The following CD300A variants were observed in gnomAD, a reference collection of about 807,000 sequenced individuals.
CD300A encodes the protein CD300a molecule, also known as CMRF35-like molecule 8.
Under a neutral mutation model 33.6 loss-of-function variants are expected in CD300A, and 22 were observed. The observed-to-expected ratio is 0.66, with a 90% CI of 0.47 to 0.94. The LOEUF is 0.94. Ranked by LOEUF, CD300A falls within the 40% of genes least tolerant of loss-of-function variation. CD300A has a pLI of 0.00. For synonymous variants in CD300A, 136 were observed against 148.1 expected, an observed-to-expected ratio of 0.92 and a Z score of 0.59; for missense variants, 326 against 360.5, an observed-to-expected ratio of 0.90 and a Z score of 0.77.
chr17:74,478,328 C>T (rs1287678510), intron 4 of CD300A, among the ~76,000 whole-genome samples: 1 of 152,226 alleles, frequency 6.6e-6, no homozygotes, highest in African/African-American at 2.4e-5. Context: ...TGCCTTCCCA[C>T]AGGCATGTGC....
intron 4 of CD300A, among the ~76,000 whole-genome samples, chr17:74,479,543 T>C (rs1218448801): frequency 6.6e-6 from 1 of 152,142 alleles, no homozygotes; most frequent in African/African-American, 2.4e-5. Context: ...ATCTGCGATG[T>C]CTTAACAAAT....
chr17:74,468,868 A>T (rs1246463002), intron 1 of CD300A, among the ~76,000 whole-genome samples: 1 of 152,154 alleles, frequency 6.6e-6, no homozygotes, highest in Non-Finnish European at 1.5e-5. Context: ...ATGTTGCCCA[A>T]GGTGGTCTCG....
At chr17:74,470,160 T>C (rs1219215630) in intron 1 of CD300A, 1 of 984,824 alleles carries the variant, frequency 1.0e-6, no homozygotes, top group African/African-American at 1.8e-5. Flanking sequence ...ATTAGAGGGG[T>C]TTGGGGTGGT....
At chr17:74,467,160 AG>A (rs1218133590) in intron 1 of CD300A, among the ~76,000 whole-genome samples, 1 of 54,914 alleles carries the variant, frequency 1.8e-5, no homozygotes, top group Non-Finnish European at 3.6e-5. Context: ...GGTATGGAGG[AG>A]GGGGGTGTGG....
chr17:74,473,611 A>G lies in CD300A; in HGVS notation c.116A>G (p.Glu39Gly). The G allele has an allele frequency of 1.9e-6, 3 of 1,614,194 alleles. No homozygotes were observed. The highest frequency in any genetic ancestry group is 2.5e-6 in the Non-Finnish European group (3 of 1,180,032). The change falls in exon 2 of 7, where the codon GAG becomes GGG. Residue 39 changes from glutamate to glycine, a missense_variant. Coordinates refer to ENST00000360141, the MANE Select transcript of CD300A (RefSeq NM_007261.4). ...TCCCTGAGTGTGCAGTGTCCCTATG[A>G]GAAGGAACACAGGACCCTCAACAAA... ...GGSLSVQCPYEKEHRTLNKYW... is the reference protein window; with the variant it reads ...GGSLSVQCPYGKEHRTLNKYW...
intron 1 of CD300A, among the ~76,000 whole-genome samples, chr17:74,472,312 A>G (rs1310783974): frequency 3.3e-5 from 5 of 151,978 alleles, no homozygotes; most frequent in East Asian, 1.9e-4. Flanking sequence ...TCCTTGAACA[A>G]TATGGGGCCT....
At chr17:74,472,237 CAA>C (rs11435286) in intron 1 of CD300A, among the ~76,000 whole-genome samples, 5 of 135,296 alleles carry the variant, frequency 3.7e-5, no homozygotes, top group Admixed American at 7.5e-5. Context: ...GACTCCATCT[CAA>C]AAAAAAAAAA....
intron 1 of CD300A, among the ~76,000 whole-genome samples, chr17:74,467,256 G>GA (rs1905783122): frequency 6.6e-6 from 1 of 150,714 alleles, no homozygotes; most frequent in African/African-American, 2.4e-5. Context: ...TCGGGGTGGG[G>GA]AGCAGATCGA....
chr17:74,466,647 C>G lies in CD300A; in HGVS notation c.-57C>G. 2 of 1,553,552 alleles carry G rather than the reference C, an allele frequency of 1.3e-6. No homozygotes were observed. Among genetic ancestry groups the G allele is most frequent in the South Asian group, 1.2e-5 (1 of 84,748 alleles). On this transcript the variant is annotated 5_prime_UTR_variant, in exon 1 of 7. Transcript: ENST00000360141. The stretch of plus-strand genomic sequence containing the variant: ...GGCCTTGGAGGCGTGACTTTCCCCT[C>G]GGGTCCAGGTAGGGCCTGGAGCTGC...
chr17:74,472,416 G>C (rs1906165653), intron 1 of CD300A, among the ~76,000 whole-genome samples: 1 of 152,160 alleles, frequency 6.6e-6, no homozygotes. Context: ...TGTGTCCTCT[G>C]CTTGGCAGCC....
At chr17:74,467,774 C>T (rs1341001687) in intron 1 of CD300A, among the ~76,000 whole-genome samples, 1 of 152,180 alleles carries the variant, frequency 6.6e-6, no homozygotes, top group Non-Finnish European at 1.5e-5. Context: ...CTGCGATTCT[C>T]TTGGGTGTTC....
rs148481837 is a variant in CD300A at position 74,481,755 on chromosome 17, A to G, written c.696A>G (p.Ala232=). 2 of 1,612,344 alleles carry G rather than the reference A, an allele frequency of 1.2e-6. No homozygotes were observed. The highest frequency in any genetic ancestry group is 1.7e-6 in the Non-Finnish European group (2 of 1,179,540). ...CCACGCAGAGTGAGCTGCACTACGCAAATCTGGAGCTGCTGATGTGGCCTC... is the reference window on the plus strand; with the variant it reads ...CCACGCAGAGTGAGCTGCACTACGCGAATCTGGAGCTGCTGATGTGGCCTC... ...QAATQSELHY[A]NLELLMWPLQ... is the part of the protein sequence containing the mutation. Residue 232 remains alanine (A), a synonymous_variant, in exon 6 of 7, where the codon GCA becomes GCG. Transcript: ENST00000360141.
At chr17:74,470,582 C>A (rs1235346942) in intron 1 of CD300A, among the ~76,000 whole-genome samples, 1 of 152,014 alleles carries the variant, frequency 6.6e-6, no homozygotes, top group Admixed American at 6.6e-5. Flanking sequence ...CCAGGAGAGG[C>A]AGGGAATCGG....
chr17:74,474,385 G>A, intron 2 of CD300A, 147 bp from the exon 3 acceptor site: 2 of 763,558 alleles, frequency 2.6e-6, no homozygotes, highest in Non-Finnish European at 4.4e-6. Flanking sequence ...GCCCAGGAGG[G>A]TCCTGGAGAG....
At chr17:74,475,536 G>A (rs1041899030) in intron 3 of CD300A, among the ~76,000 whole-genome samples, 14 of 151,998 alleles carry the variant, frequency 9.2e-5, no homozygotes, top group East Asian at 3.9e-4. Flanking sequence ...AACCTTTTTC[G>A]GGTTCACCAA....
intron 1 of CD300A, among the ~76,000 whole-genome samples, chr17:74,469,077 C>T (rs1379832075): frequency 2.6e-5 from 4 of 152,140 alleles, no homozygotes; most frequent in African/African-American, 9.7e-5. Flanking sequence ...TCCCTGTTTC[C>T]GTGTTCTCTG....
chr17:74,480,681 G>A lies in CD300A; in HGVS notation c.629-608G>A, dbSNP rs904263175. 5.3e-4 allele frequency among the ~76,000 whole-genome samples: 80 copies of A among 152,272 alleles called. No individual in the cohort carries two copies. Among genetic ancestry groups the A allele is most frequent in the Non-Finnish European group, 8.8e-5 (6 of 68,020 alleles). On this transcript the variant is annotated intron_variant, in intron 4 of 6. Transcript: ENST00000360141. This position sits in a 1 kb window ranked among gnomAD's most constrained non-coding sequence, Gnocchi z 4.2. ...CTTCCTCCCCTGGAAACATTTGTGT[G>A]AGATCCCGTGTTGAGAGCTTGTTTT...
chr17:74,477,820 G>T (rs1906576672), intron 4 of CD300A, among the ~76,000 whole-genome samples: 1 of 152,132 alleles, frequency 6.6e-6, no homozygotes, highest in Middle Eastern at 3.2e-3. Flanking sequence ...CTGGCATGGT[G>T]TGCTGGGTGC....
At chr17:74,470,005 G>C (rs922397199) in intron 1 of CD300A, 7 of 985,218 alleles carry the variant, frequency 7.1e-6, no homozygotes, top group Non-Finnish European at 8.4e-6. Flanking sequence ...TTCCTCTTCT[G>C]ACCTCTTGAG....
Sources: allele counts gnomAD v4.1 joint callset (sites outside exome capture counted in the v4.1 genomes callset), GRCh38; gene constraint gnomAD v4.1.1; non-coding constraint Gnocchi (gnomAD v3.1); transcripts MANE v1.5; gene names NCBI Gene and HGNC (gene_info 2026-07-23, HGNC 2026-07-21).